The following PDE4B variants were observed in gnomAD, a reference collection of about 807,000 sequenced individuals.
PDE4B encodes phosphodiesterase 4B.
In PDE4B, 20 loss-of-function variants were observed where a neutral mutation model predicts 82.2. That is an observed-to-expected ratio of 0.24 (90% CI 0.17 to 0.35). The LOEUF (loss-of-function observed/expected upper bound fraction) is 0.35, where lower values mean the gene tolerates loss of function less well. Among genes scored for constraint, PDE4B ranks in the 10% least tolerant of loss-of-function variants. PDE4B has a pLI of 1.00. For missense variants in PDE4B, 655 were observed against 907.2 expected (o/e 0.72, Z 3.57); for synonymous variants, 320 against 318.9 (o/e 1.00, Z -0.04).
intron 1 of PDE4B, among the ~76,000 whole-genome samples, chr1:65,819,504 G>GTTTT (rs35338207): frequency 6.1e-5 from 7 of 114,174 alleles, no homozygotes; most frequent in African/African-American, 9.0e-5. Flanking sequence ...TTTTTGTTTT[G>GTTTT]TTTTTTTTTT....
chr1:66,044,405 C>T (rs1039954174), intron 3 of PDE4B, among the ~76,000 whole-genome samples: 10 of 151,270 alleles, frequency 6.6e-5, no homozygotes, highest in South Asian at 6.2e-4. Flanking sequence ...TTTGTGTGGC[C>T]GAATGAAAAG....
chr1:65,806,861 C>T (rs565448780), intron 1 of PDE4B, among the ~76,000 whole-genome samples: 72 of 152,326 alleles, frequency 4.7e-4, no homozygotes, highest in Admixed American at 1.1e-3. Flanking sequence ...AATTGTAGGG[C>T]ATATCCTGAT....
chr1:66,279,459 A>G (rs1656129973), intron 7 of PDE4B, among the ~76,000 whole-genome samples: 1 of 152,142 alleles, frequency 6.6e-6, no homozygotes, highest in East Asian at 1.9e-4. Flanking sequence ...TCCCGACTCT[A>G]CTAAAAATAC....
chr1:66,164,737 T>C (rs1011093834), intron 3 of PDE4B, among the ~76,000 whole-genome samples: 2 of 145,124 alleles, frequency 1.4e-5, no homozygotes, highest in African/African-American at 5.1e-5. Flanking sequence ...TAATTTCTTT[T>C]TCTTTTTCTT....
chr1:65,903,521 G>A (rs960808729), intron 1 of PDE4B, among the ~76,000 whole-genome samples: 3 of 152,008 alleles, frequency 2.0e-5, no homozygotes, highest in African/African-American at 4.8e-5. Flanking sequence ...TTGAGCCCAC[G>A]AGGTTGAGGC....
chr1:66,169,731 C>G (rs1287819859), intron 3 of PDE4B, among the ~76,000 whole-genome samples: 1 of 152,100 alleles, frequency 6.6e-6, no homozygotes, highest in African/African-American at 2.4e-5. Context: ...TCACCAGGAA[C>G]AGAGGAGAAA....
intron 9 of PDE4B, among the ~76,000 whole-genome samples, chr1:66,359,426 C>T (rs929563344): frequency 2.6e-5 from 4 of 152,184 alleles, no homozygotes; most frequent in East Asian, 3.8e-4. Flanking sequence ...ATTATTTCCA[C>T]ACTGTGCTGG....
At chr1:65,817,679 G>A (rs538284381) in intron 1 of PDE4B, among the ~76,000 whole-genome samples, 21 of 152,106 alleles carry the variant, frequency 1.4e-4, no homozygotes, top group Non-Finnish European at 2.5e-4. Flanking sequence ...AGAAGCATAC[G>A]CCCTAAAAAT....
chr1:65,967,524 T>C (rs1649900884), intron 3 of PDE4B, among the ~76,000 whole-genome samples: 1 of 152,124 alleles, frequency 6.6e-6, no homozygotes, highest in Non-Finnish European at 1.5e-5. Context: ...GAACCAGCAA[T>C]ACCCAAAGGA....
chr1:66,241,957 C>T (rs1652926237), intron 3 of PDE4B, among the ~76,000 whole-genome samples: 1 of 152,128 alleles, frequency 6.6e-6, no homozygotes, highest in Non-Finnish European at 1.5e-5. Context: ...ATTCATTTAA[C>T]AAATATTTGT....
chr1:66,029,008 C>T (rs1653610339), intron 3 of PDE4B, among the ~76,000 whole-genome samples: 1 of 152,186 alleles, frequency 6.6e-6, no homozygotes. Context: ...ATCTTTTCAG[C>T]AACGCCCCAC....
intron 3 of PDE4B, among the ~76,000 whole-genome samples, chr1:66,169,522 T>C (rs542660304): frequency 1.3e-5 from 2 of 152,346 alleles, no homozygotes; most frequent in African/African-American, 4.8e-5. Flanking sequence ...GTCTCACATA[T>C]GTCATTCAGG....
intron 3 of PDE4B, among the ~76,000 whole-genome samples, chr1:66,136,697 C>CAAAAA (rs5774802): frequency 1.2e-3 from 73 of 61,470 alleles, no homozygotes; most frequent in African/African-American, 1.8e-3. Flanking sequence ...GACTCCCTCT[C>CAAAAA]AAAAAAAAAA....
chr1:66,284,755 G>A (rs1656548582), intron 7 of PDE4B, among the ~76,000 whole-genome samples: 1 of 152,184 alleles, frequency 6.6e-6, no homozygotes, highest in African/African-American at 2.4e-5. Flanking sequence ...AGTGAAGAAA[G>A]GATAGGGTGT....
chr1:65,894,929 G>T (rs557756660), intron 1 of PDE4B, among the ~76,000 whole-genome samples: 13 of 152,270 alleles, frequency 8.5e-5, no homozygotes, highest in South Asian at 4.2e-4. Flanking sequence ...ATACACTGCT[G>T]CTGGGAATGC....
intron 3 of PDE4B, among the ~76,000 whole-genome samples, chr1:66,180,896 T>C (rs961871497): frequency 2.6e-5 from 4 of 152,194 alleles, no homozygotes; most frequent in Admixed American, 2.6e-4. Context: ...AACACAATAA[T>C]ACATATTTTA....
chr1:66,025,941 A>C (rs1283206979), intron 3 of PDE4B, among the ~76,000 whole-genome samples: 1 of 152,232 alleles, frequency 6.6e-6, no homozygotes, highest in Non-Finnish European at 1.5e-5. Flanking sequence ...TTTTAGTTTC[A>C]ATTTTGAAGA....
At chr1:65,975,411 GA>G (rs2100637864) in intron 3 of PDE4B, among the ~76,000 whole-genome samples, 1 of 152,328 alleles carries the variant, frequency 6.6e-6, no homozygotes, top group African/African-American at 2.4e-5. Context: ...ATTTAAAAGG[GA>G]AGTAGAGTGT....
At chr1:65,907,637 C>T (rs1647041912) in intron 1 of PDE4B, among the ~76,000 whole-genome samples, 1 of 152,040 alleles carries the variant, frequency 6.6e-6, no homozygotes, top group Admixed American at 6.6e-5. Context: ...AGTCAAGATC[C>T]CATGGTCTAG....
Sources: gnomAD v4.1 joint callset for allele counts (sites outside exome capture counted in the v4.1 genomes callset) on GRCh38, gnomAD v4.1.1 for gene constraint, MANE v1.5 for transcripts, NCBI Gene and HGNC (gene_info 2026-07-23, HGNC 2026-07-21) for gene names.